The following DPYD variants were observed in gnomAD, a reference collection of about 807,000 sequenced individuals.
DPYD encodes dihydropyrimidine dehydrogenase [NADP(+)].
Under a neutral mutation model 116.2 loss-of-function variants are expected in DPYD, and 109 were observed. That is an observed-to-expected ratio of 0.94 (90% CI 0.80 to 1.10). The LOEUF is 1.10. Among genes scored for constraint, DPYD ranks in the 50% least tolerant of loss-of-function variants. DPYD has a pLI of 0.00. For missense variants in DPYD, 1,302 were observed against 1,254.5 expected, an observed-to-expected ratio of 1.04 and a Z score of -0.57; for synonymous variants, 440 against 432.0, an observed-to-expected ratio of 1.02 and a Z score of -0.23.
At chr1:97,644,908 C>T (rs1658165812) in intron 8 of DPYD, among the ~76,000 whole-genome samples, 2 of 151,940 alleles carry the variant, frequency 1.3e-5, no homozygotes, top group Admixed American at 1.3e-4. Flanking sequence ...CTTGGGTAGC[C>T]TTGTGTCTAT....
At chr1:97,823,777 T>A (rs1445587592) in intron 3 of DPYD, among the ~76,000 whole-genome samples, 1 of 151,286 alleles carries the variant, frequency 6.6e-6, no homozygotes, top group Non-Finnish European at 1.5e-5. Flanking sequence ...TATATTCCAC[T>A]GGACTTTGAC....
intron 13 of DPYD, among the ~76,000 whole-genome samples, chr1:97,514,382 A>G (rs1243520759): frequency 6.6e-6 from 1 of 151,870 alleles, no homozygotes; most frequent in Non-Finnish European, 1.5e-5. Flanking sequence ...CCTGTGCCCA[A>G]TTAGCCACCT....
rs949547011 is a variant in DPYD, at chr1:97,740,379, A to C, written c.321+13T>G. ...ACTGTTATTTTCATTTGCAGAGTTA[A>C]ATCTGAATTTACCTTGTTTGCAATA... On this transcript the variant is annotated intron_variant, in intron 4 of 22. Transcript: ENST00000370192. 1 of 1,597,442 alleles carries C rather than the reference A, an allele frequency of 6.3e-7. No individual in the cohort carries two copies. The highest frequency in any genetic ancestry group is 1.3e-5 in the African/African-American group (1 of 74,556).
At chr1:97,530,027 C>T (rs370393649) in intron 12 of DPYD, among the ~76,000 whole-genome samples, 4 of 151,562 alleles carry the variant, frequency 2.6e-5, no homozygotes, top group African/African-American at 9.7e-5. Context: ...TTGTCTATTT[C>T]TATACATTTG....
intron 20 of DPYD, among the ~76,000 whole-genome samples, chr1:97,168,226 C>T (rs938063754): frequency 2.0e-5 from 3 of 152,130 alleles, no homozygotes; most frequent in Admixed American, 2.0e-4. Flanking sequence ...CAATCTTCTC[C>T]ACAATGTGTA....
At chr1:97,871,609 A>T (rs1370442906) in intron 2 of DPYD, among the ~76,000 whole-genome samples, 1 of 151,372 alleles carries the variant, frequency 6.6e-6, no homozygotes, top group African/African-American at 2.4e-5. Flanking sequence ...AAAAAATCAC[A>T]GAAAAAGAAT....
At chr1:97,483,135 C>A (rs1455347931) in intron 13 of DPYD, among the ~76,000 whole-genome samples, 2 of 152,154 alleles carry the variant, frequency 1.3e-5, no homozygotes, top group African/African-American at 4.8e-5. Context: ...GATAACTGAG[C>A]AGTTTGCTCT....
chr1:97,104,185 G>T (rs1349975377), intron 20 of DPYD, among the ~76,000 whole-genome samples: 2 of 152,048 alleles, frequency 1.3e-5, no homozygotes, highest in Non-Finnish European at 2.9e-5. Flanking sequence ...CATAATAGGT[G>T]CTGAATATAA....
At chr1:97,285,195 T>G (rs1014071225) in intron 18 of DPYD, among the ~76,000 whole-genome samples, 4 of 152,198 alleles carry the variant, frequency 2.6e-5, no homozygotes, top group Admixed American at 6.5e-5. Flanking sequence ...GACAGGAAAC[T>G]TGAAGTCTCT....
At chr1:97,374,456 C>T (rs1166810770) in intron 15 of DPYD, among the ~76,000 whole-genome samples, 6 of 152,114 alleles carry the variant, frequency 3.9e-5, no homozygotes, top group Admixed American at 3.9e-4. Context: ...CACAGTGGCT[C>T]ACGCCTGTAA....
chr1:97,826,024 A>ATGTG (rs1486246806), intron 3 of DPYD, among the ~76,000 whole-genome samples: 2 of 60,358 alleles, frequency 3.3e-5, no homozygotes, highest in South Asian at 6.3e-4. Context: ...ATTACCAATA[A>ATGTG]TGTGTGTCTG....
intron 14 of DPYD, among the ~76,000 whole-genome samples, chr1:97,445,552 G>C (rs1331929509): frequency 6.6e-6 from 1 of 151,896 alleles, no homozygotes; most frequent in Non-Finnish European, 1.5e-5. Context: ...AATATTCATA[G>C]CTTCTCCTAT....
intron 3 of DPYD, among the ~76,000 whole-genome samples, chr1:97,815,621 T>A (rs1425422608): frequency 1.3e-5 from 2 of 152,148 alleles, no homozygotes; most frequent in African/African-American, 4.8e-5. Context: ...GTGGAGTGGA[T>A]TAAGGTGAGA....
chr1:97,254,877 A>G (rs1663347257), intron 18 of DPYD, among the ~76,000 whole-genome samples: 1 of 152,188 alleles, frequency 6.6e-6, no homozygotes, highest in Non-Finnish European at 1.5e-5. Context: ...CAAGAGGCCA[A>G]GACGCAGAAG....
rs150357398 is a variant in DPYD at position 97,743,347 on chromosome 1, C to T, written c.234-2868G>A. On this transcript the variant is annotated intron_variant, in intron 3 of 22. Coordinates refer to ENST00000370192, the MANE Select transcript of DPYD (RefSeq NM_000110.4). ...AAGCGCTCTGCAGACTAAAGTGCAT[C>T]AGGCTGCCATTAATCCCACTTATCA... Among the ~76,000 whole-genome samples the T allele has an allele frequency of 6.6e-5, 10 of 152,198 alleles. No individual in the cohort carries two copies. The East Asian group carries it at 1.5e-3, about 24-fold the overall frequency.
chr1:97,174,985 T>C (rs187491633), intron 20 of DPYD, among the ~76,000 whole-genome samples: 26 of 152,324 alleles, frequency 1.7e-4, no homozygotes, highest in Admixed American at 1.7e-3. Context: ...ACTGCTCTTT[T>C]GTGTCTGGTT....
intron 20 of DPYD, among the ~76,000 whole-genome samples, chr1:97,154,020 A>G (rs1334633918): frequency 4.6e-5 from 7 of 152,062 alleles, no homozygotes; most frequent in Admixed American, 4.6e-4. Flanking sequence ...GATGTGATGA[A>G]AAGGGAACAC....
At chr1:97,579,942 G>A (rs1653526134) in intron 10 of DPYD, among the ~76,000 whole-genome samples, 1 of 152,136 alleles carries the variant, frequency 6.6e-6, no homozygotes, top group Non-Finnish European at 1.5e-5. Context: ...CTGATGCTGA[G>A]TGAAATAAAA....
chr1:97,789,042 G>A (rs910823606), intron 3 of DPYD, among the ~76,000 whole-genome samples: 4 of 152,052 alleles, frequency 2.6e-5, no homozygotes, highest in African/African-American at 4.8e-5. Flanking sequence ...GAGCTCATGC[G>A]ATCTACCGCC....
Sources: allele counts gnomAD v4.1 joint callset (sites outside exome capture counted in the v4.1 genomes callset), GRCh38; gene constraint gnomAD v4.1.1; transcripts MANE v1.5; gene names NCBI Gene and HGNC (gene_info 2026-07-23, HGNC 2026-07-21).